PRKCZ: variants seen among roughly 807,000 people sequenced by gnomAD.
The protein encoded by PRKCZ is protein kinase C zeta.
A neutral mutation model predicts 79.5 loss-of-function variants in PRKCZ; 33 were observed. The ratio of observed to expected loss-of-function variants is 0.41; its 90% CI spans 0.31 to 0.55. The LOEUF is 0.55. Among genes scored for constraint, PRKCZ ranks in the 20% least tolerant of loss-of-function variants. The pLI is 0.19. For missense variants in PRKCZ, 578 were observed against 813.5 expected (o/e 0.71, Z 3.52); for synonymous variants, 342 against 320.9 (o/e 1.07, Z -0.70).
intron 4 of PRKCZ, among the ~76,000 whole-genome samples, chr1:2,109,435 C>G (rs183832602): frequency 1.3e-5 from 2 of 152,222 alleles, no homozygotes; most frequent in East Asian, 1.9e-4. Context: ...GCACACGATA[C>G]CTGCTCCGTC....
Position 2,075,778 on chromosome 1 carries a change from G to A in PRKCZ, c.334+16187G>A, listed in dbSNP as rs1014308657. ...ACACTGGGTGCCCCAGACCTTCCAC[G>A]GGGTCTGGTGGGGACCTGCCAGGGC... On this transcript the variant is annotated intron_variant, in intron 4 of 17. Coordinates refer to ENST00000378567, the MANE Select transcript of PRKCZ (RefSeq NM_002744.6). The surrounding 1 kb of genome is among the most constrained non-coding windows in gnomAD (Gnocchi z 4.8). Among the ~76,000 whole-genome samples, 2 of 152,216 alleles carry A rather than the reference G, an allele frequency of 1.3e-5. No individual in the cohort carries two copies. The highest frequency in any genetic ancestry group is 1.9e-4 in the East Asian group (1 of 5,200).
In PRKCZ at chr1:2,149,064, T is replaced by A; in HGVS notation, c.687+140T>A. The A allele has an allele frequency of 2.2e-6, 2 of 903,608 alleles. No individual in the cohort carries two copies. Among genetic ancestry groups the A allele is most frequent in the Non-Finnish European group, 3.4e-6 (2 of 584,386 alleles). The allele number at this position is 903,608 out of a possible 1,614,324, so 56.0% of individuals were successfully genotyped here. A position where few individuals can be genotyped will look rare whatever the true frequency, so the allele number is the denominator to read the frequency against. On this transcript the variant is annotated intron_variant, in intron 8 of 17. Coordinates refer to ENST00000378567, the MANE Select transcript of PRKCZ (RefSeq NM_002744.6). The surrounding 1 kb of genome is among the most constrained non-coding windows in gnomAD (Gnocchi z 4.1). ...GCTAACTAATCTTCACGGGTGTGGA[T>A]GTCTAGAAGGAAGTCCTTATTCTTG... is the stretch of plus-strand genomic sequence containing the variant.
At chr1:2,140,034 G>T (rs1212808493) in intron 5 of PRKCZ, among the ~76,000 whole-genome samples, 3 of 152,212 alleles carry the variant, frequency 2.0e-5, no homozygotes, top group Non-Finnish European at 4.4e-5. Context: ...TGACCACTTG[G>T]GTCCCTGGAG....
chr1:2,055,783 G>A (rs1226213723), intron 2 of PRKCZ: 4 of 578,958 alleles, frequency 6.9e-6, no homozygotes, highest in African/African-American at 3.8e-5. Flanking sequence ...AAGGGCTCTG[G>A]TCTTGAACTG....
At chr1:2,135,440 A>G in intron 5 of PRKCZ, 93 bp downstream of exon 5, 1 of 1,233,858 alleles carries the variant, frequency 8.1e-7, no homozygotes, top group Non-Finnish European at 1.1e-6. Flanking sequence ...CGCTGAGCCC[A>G]GGCTGGGCTC....
At position 2,128,797 on chromosome 1, in the gene PRKCZ, C is replaced by T. The variant is rs185241541; in HGVS notation, c.335-6465C>T. Among the ~76,000 whole-genome samples the T allele has an allele frequency of 1.5e-3, 236 of 152,318 alleles. No individual in the cohort carries two copies. The highest frequency in any genetic ancestry group is 5.4e-3 in the African/African-American group (226 of 41,574). ...CCCAGGCTGTGTCCACACGTACCCCCGGAAGGACCTCCTGCTAACCTGGGC... is the reference window on the plus strand; with the variant it reads ...CCCAGGCTGTGTCCACACGTACCCCTGGAAGGACCTCCTGCTAACCTGGGC... On this transcript the variant is annotated intron_variant, in intron 4 of 17. Coordinates refer to ENST00000378567, the MANE Select transcript of PRKCZ (RefSeq NM_002744.6). This position sits in a 1 kb window ranked among gnomAD's most constrained non-coding sequence, Gnocchi z 6.5.
intron 4 of PRKCZ, among the ~76,000 whole-genome samples, chr1:2,100,954 T>C (rs1304624057): frequency 6.6e-6 from 1 of 151,778 alleles, no homozygotes; most frequent in Non-Finnish European, 1.5e-5. Flanking sequence ...CCTGGCCAGT[T>C]CATCTTTCGT....
chr1:2,176,892 A>C (rs1460651366), intron 16 of PRKCZ, among the ~76,000 whole-genome samples: 2 of 152,202 alleles, frequency 1.3e-5, no homozygotes, highest in Non-Finnish European at 2.9e-5. Flanking sequence ...GCTGCTGCCA[A>C]ACTAGGACGG....
intron 4 of PRKCZ, among the ~76,000 whole-genome samples, chr1:2,114,953 G>A (rs1670456048): frequency 6.6e-6 from 1 of 152,198 alleles, no homozygotes; most frequent in Non-Finnish European, 1.5e-5. Flanking sequence ...GAAATCTGAA[G>A]CGTTCAACTC....
At chr1:2,108,580 C>T (rs556168028) in intron 4 of PRKCZ, among the ~76,000 whole-genome samples, 3 of 152,256 alleles carry the variant, frequency 2.0e-5, no homozygotes, top group Non-Finnish European at 2.9e-5. Context: ...CGCCAGCCTC[C>T]TGCTTGCACA....
intron 4 of PRKCZ, among the ~76,000 whole-genome samples, chr1:2,097,980 C>G (rs1022569977): frequency 1.3e-5 from 2 of 152,128 alleles, no homozygotes; most frequent in Non-Finnish European, 2.9e-5. Context: ...TTCCGATTGG[C>G]TATTTTAAAG....
chr1:2,180,386 A>G lies in PRKCZ; in HGVS notation c.1576-4197A>G, dbSNP rs116321131. The stretch of plus-strand genomic sequence containing the variant: ...CAGACGATGTGGACGCACAGACGAC[A>G]TGGACGCACAGACGATGTGGATGCA... On this transcript the variant is annotated intron_variant, in intron 16 of 17. Coordinates refer to ENST00000378567, the MANE Select transcript of PRKCZ (RefSeq NM_002744.6). 9.8e-3 allele frequency among the ~76,000 whole-genome samples: 1,479 copies of G among 151,176 alleles called. 26 individuals carry two copies. Among genetic ancestry groups the G allele is most frequent in the African/African-American group, 0.033 (1,347 of 41,234 alleles).
At chr1:2,063,085 C>T (rs1019931895) in intron 4 of PRKCZ, among the ~76,000 whole-genome samples, 1 of 152,156 alleles carries the variant, frequency 6.6e-6, no homozygotes, top group Non-Finnish European at 1.5e-5. Context: ...CGCAGCCATG[C>T]GTAGCCTGTG....
At chr1:2,100,474 C>T (rs1667250859) in intron 4 of PRKCZ, among the ~76,000 whole-genome samples, 1 of 152,220 alleles carries the variant, frequency 6.6e-6, no homozygotes, top group Non-Finnish European at 1.5e-5. Context: ...AATGCTGTGT[C>T]CTCTCCCCGG....
chr1:2,112,867 T>G (rs1300798879), intron 4 of PRKCZ, among the ~76,000 whole-genome samples: 1 of 152,186 alleles, frequency 6.6e-6, no homozygotes, highest in Non-Finnish European at 1.5e-5. Context: ...TTTTTTTCTA[T>G]ATTTGGTAGA....
chr1:2,174,608 A>C lies in PRKCZ; in HGVS notation c.1406-146A>C. 1 of 733,978 alleles carries C rather than the reference A, an allele frequency of 1.4e-6. No individual in the cohort carries two copies. The allele number at this position is 733,978 out of a possible 1,614,324, so 45.5% of individuals were successfully genotyped here. On this transcript the variant is annotated intron_variant, in intron 14 of 17. Transcript: ENST00000378567. This position sits in a 1 kb window ranked among gnomAD's most constrained non-coding sequence, Gnocchi z 6.2. ...GGAGGACCCGGCGGGACTCCGGGTT[A>C]TAGATATTGCTGGGCTGTAGGAAGG...
chr1:2,130,512 C>T (rs1259252238), intron 4 of PRKCZ, among the ~76,000 whole-genome samples: 1 of 152,190 alleles, frequency 6.6e-6, no homozygotes, highest in Non-Finnish European at 1.5e-5. Flanking sequence ...TCCAGAGAGA[C>T]CAAACCAATA....
chr1:2,135,222 G>A (rs751697278), intron 4 of PRKCZ, 40 bp from the exon 5 acceptor site: 13 of 1,558,072 alleles, frequency 8.3e-6, no homozygotes, highest in Admixed American at 1.7e-5. Flanking sequence ...GCTCGTGGCT[G>A]CCACGCTGTT....
intron 6 of PRKCZ, 129 bp downstream of exon 6, chr1:2,144,470 G>A (rs1351504751): frequency 1.4e-6 from 2 of 1,463,556 alleles, no homozygotes; most frequent in African/African-American, 1.4e-5. Flanking sequence ...TCCTAGCTCT[G>A]GGCTGCAGCG....
Sources: allele counts gnomAD v4.1 joint callset (sites outside exome capture counted in the v4.1 genomes callset), GRCh38; gene constraint gnomAD v4.1.1; non-coding constraint Gnocchi (gnomAD v3.1); transcripts MANE v1.5; gene names NCBI Gene and HGNC (gene_info 2026-07-23, HGNC 2026-07-21).